ATM: variants seen among roughly 807,000 people sequenced by gnomAD.
The protein encoded by ATM is ATM serine/threonine kinase, also known as serine-protein kinase ATM.
ATM carries 308 observed loss-of-function variants against 387.0 expected under a neutral mutation model. That is an observed-to-expected ratio of 0.80 (90% CI 0.73 to 0.87). ATM has a LOEUF of 0.87. Ranked by LOEUF, ATM falls within the 40% of genes least tolerant of loss-of-function variation. The pLI is 0.00. For synonymous variants in ATM, 1,156 were observed against 1,187.3 expected (o/e 0.97, Z 0.54); for missense variants, 3,312 against 3,560.9 (o/e 0.93, Z 1.78).
intron 31 of ATM, among the ~76,000 whole-genome samples, chr11:108,294,057 A>G (rs1230448247): frequency 6.6e-6 from 1 of 151,668 alleles, no homozygotes; most frequent in African/African-American, 2.4e-5. Context: ...TAAAGATCCA[A>G]ATTGTAAGTT....
intron 8 of ATM, among the ~76,000 whole-genome samples, chr11:108,248,330 C>T (rs2079955967): frequency 6.6e-6 from 1 of 151,906 alleles, no homozygotes; most frequent in South Asian, 2.1e-4. Flanking sequence ...ACTTGAATCC[C>T]TTTGAAAGTA....
Position 108,302,928 on chromosome 11 carries a change from AG to A in ATM, c.5396del (p.Ser1799MetfsTer8), listed in dbSNP as rs587782812. On this transcript the variant is annotated frameshift_variant, in exon 36 of 63. Coordinates refer to ENST00000675843, the MANE Select transcript of ATM (RefSeq NM_000051.4). LOFTEE classifies it high-confidence loss of function. Reference protein sequence around the residue: ...LDDINLWIPLSENHDIWIKTL... With the variant: ...LDDINLWIPLXENHDIWIKTL... ...TGATATAAATCTGTGGATTCCTCTA[AG>A]TGAAAATCATGACATTTGGATAAAG... is the stretch of plus-strand genomic sequence containing the variant. 1 of 1,613,478 alleles carries A rather than the reference AG, an allele frequency of 6.2e-7. No individual in the cohort carries two copies. The highest frequency in any genetic ancestry group is 8.5e-7 in the Non-Finnish European group (1 of 1,179,488).
chr11:108,238,066 ACAG>A (rs2079381793), intron 5 of ATM, among the ~76,000 whole-genome samples: 1 of 151,910 alleles, frequency 6.6e-6, no homozygotes, highest in South Asian at 2.1e-4. Flanking sequence ...AGCTGGGATT[ACAG>A]GCATGTGCCA....
intron 37 of ATM, among the ~76,000 whole-genome samples, 182 bp from the exon 38 acceptor site, chr11:108,307,715 T>A (rs1429949622): frequency 6.6e-6 from 1 of 152,226 alleles, no homozygotes; most frequent in Non-Finnish European, 1.5e-5. Context: ...TCACTTTTTT[T>A]AAGATAACAG....
chr11:108,350,295 A>G (rs2089025484), intron 59 of ATM, among the ~76,000 whole-genome samples: 1 of 152,196 alleles, frequency 6.6e-6, no homozygotes, highest in Admixed American at 6.5e-5. Context: ...TGAAGCACTG[A>G]TGAGAGTAAT....
At chr11:108,244,744 G>A (rs2135235214) in intron 6 of ATM, 44 bp from the exon 7 acceptor site, 2 of 1,427,716 alleles carry the variant, frequency 1.4e-6, no homozygotes, top group East Asian at 2.3e-5. Flanking sequence ...TGTACAGTTT[G>A]TTCCCCCTGT....
At chr11:108,236,336 G>T in intron 5 of ATM, 1 of 167,694 alleles carries the variant, frequency 6.0e-6, no homozygotes, top group South Asian at 1.4e-4. Flanking sequence ...TTGAGCTCAG[G>T]AGTTCAAGAC....
At chr11:108,345,378 T>C (rs979913013) in intron 57 of ATM, among the ~76,000 whole-genome samples, 1 of 152,222 alleles carries the variant, frequency 6.6e-6, no homozygotes, top group Non-Finnish European at 1.5e-5. Context: ...CTTCTGTTCT[T>C]TCTCTTTTCC....
rs143577586 is a variant in ATM, at chr11:108,307,950, C to A, written c.5728C>A (p.Leu1910Ile). The change falls in exon 38 of 63, where the codon CTT becomes ATT. Residue 1910 changes from leucine (L) to isoleucine (I), a missense_variant. Coordinates refer to ENST00000675843, the MANE Select transcript of ATM (RefSeq NM_000051.4). ...CLDKKSQRTMLAVVDYMRRQK... is the reference protein window; with the variant it reads ...CLDKKSQRTMIAVVDYMRRQK... ...GGATAAAAAATCACAAAGAACAATG[C>A]TTGCTGTTGTGGACTACATGAGAAG... 29 of 1,613,684 alleles carry A rather than the reference C, an allele frequency of 1.8e-5. No homozygotes were observed. The highest frequency in any genetic ancestry group is 2.5e-5 in the Non-Finnish European group (29 of 1,179,826).
intron 55 of ATM, 163 bp downstream of exon 55, chr11:108,335,272 T>C: frequency 6.6e-7 from 1 of 1,523,396 alleles, no homozygotes; most frequent in East Asian, 2.5e-5. Context: ...AACCAGGCTT[T>C]TCTCCATTTT....
At position 108,227,674 on chromosome 11, in the gene ATM, A is replaced by G. The variant is rs1242444722; in HGVS notation, c.50A>G (p.His17Arg). 1.2e-6 allele frequency: 2 copies of G among 1,613,864 alleles called. No homozygotes were observed. Among genetic ancestry groups the G allele is most frequent in the South Asian group, 1.1e-5 (1 of 91,074 alleles). Residue 17 changes from histidine (H) to arginine (R), a missense_variant, in exon 2 of 63, where the codon CAT (histidine) becomes CGT (arginine). Transcript: ENST00000675843. ...DLLICCRQLE[H>R]DRATERKKEV... ...CTTATCTGCTGCCGTCAACTAGAAC[A>G]TGATAGAGCTACAGAACGAAAGGTA...
chr11:108,348,653 A>T (rs938214876), intron 59 of ATM, among the ~76,000 whole-genome samples: 5 of 152,024 alleles, frequency 3.3e-5, no homozygotes, highest in Admixed American at 1.3e-4. Context: ...TAATTTTTAG[A>T]GGTTATATGC....
chr11:108,243,869 A>G, intron 5 of ATM, 84 bp from the exon 6 acceptor site: 1 of 1,257,790 alleles, frequency 8.0e-7, no homozygotes, highest in East Asian at 2.5e-5. Flanking sequence ...GTATGGGATT[A>G]TGGAATATTT....
At chr11:108,273,410 C>T (rs1159450090) in intron 22 of ATM, among the ~76,000 whole-genome samples, 6 of 134,602 alleles carry the variant, frequency 4.5e-5, no homozygotes, top group African/African-American at 1.8e-4. Flanking sequence ...GGTGTGATCT[C>T]GGTTCACTTC....
intron 49 of ATM, among the ~76,000 whole-genome samples, chr11:108,329,744 G>C (rs914715034): frequency 1.3e-5 from 2 of 152,142 alleles, no homozygotes; most frequent in African/African-American, 4.8e-5. Flanking sequence ...TCACAAATTA[G>C]TATGTAAGAT....
At chr11:108,257,342 C>G in intron 14 of ATM, 139 bp from the exon 15 acceptor site, 1 of 1,099,634 alleles carries the variant, frequency 9.1e-7, no homozygotes, top group Non-Finnish European at 1.3e-6. Flanking sequence ...CGTGGAACTT[C>G]TAAAAACATT....
chr11:108,325,083 CT>C (rs1384455205), intron 45 of ATM, among the ~76,000 whole-genome samples: 2 of 152,178 alleles, frequency 1.3e-5, no homozygotes, highest in African/African-American at 4.8e-5. Flanking sequence ...TGTTTGTCAT[CT>C]GTGACCTCTC....
In ATM at chr11:108,305,436, C is replaced by T. The variant is rs142576849; in HGVS notation, c.5674+584C>T. On this transcript the variant is annotated intron_variant, in intron 37 of 62. Coordinates refer to ENST00000675843, the MANE Select transcript of ATM (RefSeq NM_000051.4). ...CCCTACTAAAAATACAAAAATTAGC[C>T]GGGCATGGTGGCAGGCGCCTATAAT... Among the ~76,000 whole-genome samples, 801 of 152,022 alleles carry T rather than the reference C, an allele frequency of 5.3e-3. 6 individuals are homozygous for T. Among genetic ancestry groups the T allele is most frequent in the African/African-American group, 0.018 (740 of 41,474 alleles).
At chr11:108,238,217 G>A (rs1009343856) in intron 5 of ATM, among the ~76,000 whole-genome samples, 6 of 151,942 alleles carry the variant, frequency 3.9e-5, no homozygotes, top group South Asian at 2.1e-4. Flanking sequence ...TTGAGCCACC[G>A]CGTCTGGCCA....
Sources: gnomAD v4.1 joint callset for allele counts (sites outside exome capture counted in the v4.1 genomes callset) on GRCh38, gnomAD v4.1.1 for gene constraint, MANE v1.5 for transcripts, NCBI Gene and HGNC (gene_info 2026-07-23, HGNC 2026-07-21) for gene names.